TSPAN18: variants seen among roughly 807,000 people sequenced by gnomAD.
The protein encoded by TSPAN18 is tetraspanin 18.
Under a neutral mutation model 27.3 loss-of-function variants are expected in TSPAN18, and 14 were observed. That is an observed-to-expected ratio of 0.51 (90% CI 0.34 to 0.80). The LOEUF is 0.80. Ranked by LOEUF, TSPAN18 falls within the 30% of genes least tolerant of loss-of-function variation. The probability of loss-of-function intolerance (pLI) is 0.01; values close to 1 mark genes in which losing one functional copy is unlikely to be tolerated. For missense variants in TSPAN18, 268 were observed against 323.9 expected (o/e 0.83, Z 1.32); for synonymous variants, 143 against 136.5 (o/e 1.05, Z -0.33).
chr11:44,803,812 A>C (rs905593194), intron 2 of TSPAN18, among the ~76,000 whole-genome samples: 6 of 152,328 alleles, frequency 3.9e-5, no homozygotes, highest in African/African-American at 1.4e-4. Flanking sequence ...GGGAACTCAA[A>C]GGATAGAGGA....
chr11:44,886,516 G>T (rs1185879469), intron 3 of TSPAN18: 3 of 152,240 alleles, frequency 2.0e-5, no homozygotes, highest in African/African-American at 4.8e-5. Flanking sequence ...GGCTTTGCTG[G>T]ACGGTTGTGG....
intron 1 of TSPAN18, among the ~76,000 whole-genome samples, chr11:44,745,844 G>A (rs921387768): frequency 6.6e-6 from 1 of 152,152 alleles, no homozygotes; most frequent in Non-Finnish European, 1.5e-5. Context: ...TGGCTAACAC[G>A]GTGAAACCCC....
chr11:44,825,454 A>G (rs1432923845), intron 2 of TSPAN18, among the ~76,000 whole-genome samples: 3 of 152,100 alleles, frequency 2.0e-5, no homozygotes, highest in Admixed American at 6.5e-5. Context: ...AGTGCTCTCA[A>G]GCTTCTCCCT....
intron 2 of TSPAN18, among the ~76,000 whole-genome samples, chr11:44,791,575 G>T (rs894227372): frequency 6.6e-6 from 1 of 152,194 alleles, no homozygotes; most frequent in Admixed American, 6.5e-5. Flanking sequence ...GCACTGGGAG[G>T]CACTCAGAGG....
At chr11:44,909,639 G>A in intron 4 of TSPAN18, 66 bp from the exon 5 acceptor site, 5 of 1,528,546 alleles carry the variant, frequency 3.3e-6, no homozygotes, top group Non-Finnish European at 4.4e-6. Flanking sequence ...GGGAGTGGTG[G>A]GTCAGAAGTG....
intron 2 of TSPAN18, among the ~76,000 whole-genome samples, chr11:44,837,588 A>G (rs1857288958): frequency 6.6e-6 from 1 of 152,248 alleles, no homozygotes; most frequent in African/African-American, 2.4e-5. Context: ...GTGAAATCCT[A>G]TCAAACAGCA....
chr11:44,781,838 C>T (rs1009400658), intron 2 of TSPAN18, among the ~76,000 whole-genome samples: 1 of 152,174 alleles, frequency 6.6e-6, no homozygotes, highest in African/African-American at 2.4e-5. Context: ...TTAGCCCTCC[C>T]CAGTTAATCT....
At chr11:44,923,392 G>GT (rs1180339048) in intron 8 of TSPAN18, among the ~76,000 whole-genome samples, 2 of 152,160 alleles carry the variant, frequency 1.3e-5, no homozygotes, top group Admixed American at 6.5e-5. Context: ...ATAGTCTGTG[G>GT]TGGCAGGCTG....
intron 3 of TSPAN18, among the ~76,000 whole-genome samples, chr11:44,893,415 T>A (rs1858924319): frequency 6.6e-6 from 1 of 152,212 alleles, no homozygotes; most frequent in Non-Finnish European, 1.5e-5. Flanking sequence ...CATGTCCCCA[T>A]GTTGGTGCCA....
chr11:44,851,265 C>G (rs750063478), intron 2 of TSPAN18, among the ~76,000 whole-genome samples: 1 of 152,174 alleles, frequency 6.6e-6, no homozygotes, highest in African/African-American at 2.4e-5. Flanking sequence ...CTTCCGGCGT[C>G]ACCTGCCCCT....
intron 1 of TSPAN18, among the ~76,000 whole-genome samples, chr11:44,750,523 TATG>T (rs1261419203): frequency 6.6e-6 from 1 of 152,068 alleles, no homozygotes; most frequent in African/African-American, 2.4e-5. Flanking sequence ...CATGAGGCGG[TATG>T]TAGGGGATCT....
intron 1 of TSPAN18, among the ~76,000 whole-genome samples, chr11:44,728,294 C>T (rs1310921368): frequency 6.6e-6 from 1 of 152,174 alleles, no homozygotes; most frequent in African/African-American, 2.4e-5. Flanking sequence ...AATTTACCCC[C>T]AGAAAAAGAT....
At chr11:44,858,816 G>C (rs554946175) in intron 2 of TSPAN18, among the ~76,000 whole-genome samples, 1 of 152,146 alleles carries the variant, frequency 6.6e-6, no homozygotes, top group Non-Finnish European at 1.5e-5. Context: ...AACCATGGGC[G>C]ACCCTGGTGA....
chr11:44,834,583 T>A (rs779706493), intron 2 of TSPAN18, among the ~76,000 whole-genome samples: 1 of 152,186 alleles, frequency 6.6e-6, no homozygotes, highest in African/African-American at 2.4e-5. Flanking sequence ...TTCTCACTTC[T>A]CTAGGGAGTT....
At chr11:44,903,783 C>G in intron 3 of TSPAN18, 1 of 446,010 alleles carries the variant, frequency 2.2e-6, no homozygotes, top group South Asian at 1.6e-5. Context: ...CACACACCAT[C>G]CTTTGTCCTT....
chr11:44,839,356 C>T (rs749226906), intron 2 of TSPAN18, among the ~76,000 whole-genome samples: 2 of 152,218 alleles, frequency 1.3e-5, no homozygotes, highest in African/African-American at 2.4e-5. Context: ...CTCAGACACT[C>T]CTGGGATTAG....
At chr11:44,860,086 A>C (rs1170163623) in intron 2 of TSPAN18, among the ~76,000 whole-genome samples, 1 of 152,170 alleles carries the variant, frequency 6.6e-6, no homozygotes, top group African/African-American at 2.4e-5. Context: ...TATGACGCTT[A>C]TGTATTTTTA....
intron 2 of TSPAN18, among the ~76,000 whole-genome samples, chr11:44,773,372 C>T (rs1337832329): frequency 5.3e-5 from 8 of 151,912 alleles, no homozygotes; most frequent in East Asian, 3.9e-4. Context: ...GCTGAGATTG[C>T]GCCATTGCAC....
Position 44,763,299 on chromosome 11 carries a change from G to A in TSPAN18, c.-239-1127G>A, listed in dbSNP as rs1855494942. Among the ~76,000 whole-genome samples the A allele has an allele frequency of 2.0e-5, 3 of 152,270 alleles. No individual in the cohort carries two copies. In the South Asian group the frequency reaches 6.2e-4, roughly 32 times the overall value. On this transcript the variant is annotated intron_variant, in intron 1 of 9. Transcript: ENST00000520358. ...TAAGTTTTGCTCTTATTTCTCAGCT[G>A]TGCATGTGACTGAGCCAATCTCTTG...
Sources: allele counts gnomAD v4.1 joint callset (sites outside exome capture counted in the v4.1 genomes callset), GRCh38; gene constraint gnomAD v4.1.1; transcripts MANE v1.5; gene names NCBI Gene and HGNC (gene_info 2026-07-23, HGNC 2026-07-21).